The following MGAT5B variants were observed in gnomAD, a reference collection of about 807,000 sequenced individuals.
MGAT5B encodes the protein alpha-1,6-mannosylglycoprotein 6-beta-N-acetylglucosaminyltransferase B, also known as N-acetylglucosaminyl-transferase Vb.
Under a neutral mutation model 95.1 loss-of-function variants are expected in MGAT5B, and 54 were observed. The observed-to-expected ratio is 0.57, with a 90% CI of 0.46 to 0.71. The LOEUF (loss-of-function observed/expected upper bound fraction) is 0.71, where lower values mean the gene tolerates loss of function less well. MGAT5B is among the 30% of genes least tolerant of loss of function. The probability of loss-of-function intolerance (pLI) is 0.00; values close to 1 mark genes in which losing one functional copy is unlikely to be tolerated. For missense variants in MGAT5B, 935 were observed against 1,088.6 expected (o/e 0.86, Z 1.99); for synonymous variants, 464 against 451.0 (o/e 1.03, Z -0.36).
intron 3 of MGAT5B, among the ~76,000 whole-genome samples, chr17:76,891,399 A>C (rs1350489526): frequency 1.3e-5 from 2 of 151,686 alleles, no homozygotes; most frequent in Non-Finnish European, 2.9e-5. Context: ...TTGTTTCTGG[A>C]GACGGGGTCT....
rs536719219 is a variant in MGAT5B at position 76,938,347 on chromosome 17, G to C, written c.1584+204G>C. On this transcript the variant is annotated intron_variant, in intron 13 of 17. Coordinates refer to ENST00000569840, the MANE Select transcript of MGAT5B (RefSeq NM_001199172.2). The surrounding 1 kb of genome is among the most constrained non-coding windows in gnomAD (Gnocchi z 4.3). ...GGCAGGAGAGGTCCTATAGAGAAAG[G>C]GACCTGGGCAGGGCCAGCAGAGCAG... is the stretch of plus-strand genomic sequence containing the variant. Among the ~76,000 whole-genome samples, 1 of 152,354 alleles carries C rather than the reference G, an allele frequency of 6.6e-6. No homozygotes were observed. Among genetic ancestry groups the C allele is most frequent in the African/African-American group, 2.4e-5 (1 of 41,584 alleles).
At chr17:76,892,114 A>G (rs1967892435) in intron 3 of MGAT5B, among the ~76,000 whole-genome samples, 1 of 152,192 alleles carries the variant, frequency 6.6e-6, no homozygotes, top group South Asian at 2.1e-4. Flanking sequence ...TGGCTCGATC[A>G]CGGCTCACTG....
chr17:76,886,022 CT>C (rs2145145371), intron 3 of MGAT5B, among the ~76,000 whole-genome samples: 1 of 152,318 alleles, frequency 6.6e-6, no homozygotes, highest in South Asian at 2.1e-4. Flanking sequence ...CCACTCATGG[CT>C]GGTGTTTCCT....
chr17:76,889,980 G>T lies in MGAT5B; in HGVS notation c.329+7682G>T, dbSNP rs1292870738. Among the ~76,000 whole-genome samples, 1 of 152,230 alleles carries T rather than the reference G, an allele frequency of 6.6e-6. No individual in the cohort carries two copies. The highest frequency in any genetic ancestry group is 1.5e-5 in the Non-Finnish European group (1 of 68,048). ...TCCCCAGCTTTTCTGTTGAAGGCAG[G>T]GCGGGACCAGAGACCTTCACTCCCC... On this transcript the variant is annotated intron_variant, in intron 3 of 17. Transcript: ENST00000569840. This position sits in a 1 kb window ranked among gnomAD's most constrained non-coding sequence, Gnocchi z 4.4.
In MGAT5B at chr17:76,911,617, A is replaced by G. The variant is rs956856843; in HGVS notation, c.1025+5430A>G. Among the ~76,000 whole-genome samples, 17 of 152,182 alleles carry G rather than the reference A, an allele frequency of 1.1e-4. 1 individual carries two copies. Among genetic ancestry groups the G allele is most frequent in the African/African-American group, 3.9e-4 (16 of 41,454 alleles). The stretch of plus-strand genomic sequence containing the variant: ...CCTTCTTCCTTTCTAAAGTGGGGGC[A>G]TTGCATTGGTCCCCATAGTTGGCGG... On this transcript the variant is annotated intron_variant, in intron 8 of 17. Transcript: ENST00000569840.
intron 16 of MGAT5B, among the ~76,000 whole-genome samples, chr17:76,947,407 G>A (rs993711242): frequency 1.3e-5 from 2 of 152,150 alleles, no homozygotes; most frequent in Admixed American, 6.5e-5. Flanking sequence ...AGCATTCGCG[G>A]GGCCCTCCGG....
At chr17:76,932,593 G>A in intron 10 of MGAT5B, 52 bp from the exon 11 acceptor site, 2 of 1,608,812 alleles carry the variant, frequency 1.2e-6, no homozygotes, top group Non-Finnish European at 1.7e-6. Context: ...GAGGCCTGGG[G>A]CTGCCCTTGG....
chr17:76,875,515 A>C lies in MGAT5B; in HGVS notation c.181+2552A>C, dbSNP rs146626227. ...GTCAATTCAACCTTTTTCATCTATA[A>C]ATTACCCAGTCTCAGGTATGTCTTT... On this transcript the variant is annotated intron_variant, in intron 2 of 17. Coordinates refer to ENST00000569840, the MANE Select transcript of MGAT5B (RefSeq NM_001199172.2). Among the ~76,000 whole-genome samples, 44 of 151,986 alleles carry C rather than the reference A, an allele frequency of 2.9e-4. No homozygotes were observed. The East Asian group carries it at 6.8e-3, about 23-fold the overall frequency.
intron 8 of MGAT5B, among the ~76,000 whole-genome samples, chr17:76,913,126 C>G (rs938462231): frequency 6.6e-6 from 1 of 152,216 alleles, no homozygotes; most frequent in African/African-American, 2.4e-5. Flanking sequence ...GGAGGGACAA[C>G]TCCTGGCTGT....
intron 16 of MGAT5B, 117 bp from the exon 17 acceptor site, chr17:76,947,713 T>C: frequency 7.2e-7 from 1 of 1,396,168 alleles, no homozygotes; most frequent in South Asian, 1.8e-5. Context: ...TACCTGGTAT[T>C]CAGTAAGCGC....
chr17:76,923,069 C>T (rs1195100236), intron 8 of MGAT5B, among the ~76,000 whole-genome samples: 2 of 152,194 alleles, frequency 1.3e-5, no homozygotes, highest in Non-Finnish European at 2.9e-5. Context: ...GCGCTGTCGG[C>T]AGGTGACCAG....
chr17:76,895,827 A>G (rs1968046283), intron 3 of MGAT5B, among the ~76,000 whole-genome samples: 2 of 152,328 alleles, frequency 1.3e-5, no homozygotes, highest in South Asian at 2.1e-4. Context: ...CATTTAACCC[A>G]TGGCAAAAAT....
rs907300931 is a variant in MGAT5B at position 76,917,333 on chromosome 17, G to T, written c.1026-7633G>T. On this transcript the variant is annotated intron_variant, in intron 8 of 17. Transcript: ENST00000569840. The surrounding 1 kb of genome is among the most constrained non-coding windows in gnomAD (Gnocchi z 6.1). ...GCCCCTGGCTTCACTTTCTTGTTGGGTCTCGGGGGTGCCTTCCCACAGCAG... is the reference window on the plus strand; with the variant it reads ...GCCCCTGGCTTCACTTTCTTGTTGGTTCTCGGGGGTGCCTTCCCACAGCAG... Among the ~76,000 whole-genome samples, 9 of 151,808 alleles carry T rather than the reference G, an allele frequency of 5.9e-5. No individual in the cohort carries two copies. The highest frequency in any genetic ancestry group is 1.2e-4 in the Non-Finnish European group (8 of 67,948).
At chr17:76,932,867 C>A in intron 11 of MGAT5B, 92 bp downstream of exon 11, 2 of 1,507,146 alleles carry the variant, frequency 1.3e-6, no homozygotes, top group Non-Finnish European at 1.8e-6. Flanking sequence ...GATGCGGTGC[C>A]CTCCTCCCGC....
chr17:76,910,511 C>A (rs1277384643), intron 8 of MGAT5B, among the ~76,000 whole-genome samples: 3 of 152,240 alleles, frequency 2.0e-5, no homozygotes, highest in Non-Finnish European at 4.4e-5. Context: ...ATAGCCTCTG[C>A]ACCCACACAT....
At chr17:76,891,759 T>G (rs528355898) in intron 3 of MGAT5B, among the ~76,000 whole-genome samples, 1 of 152,362 alleles carries the variant, frequency 6.6e-6, no homozygotes, top group Admixed American at 6.5e-5. Context: ...AAGTGCCTTC[T>G]ATTGCTTACT....
At chr17:76,911,228 G>A (rs982035168) in intron 8 of MGAT5B, among the ~76,000 whole-genome samples, 9 of 152,244 alleles carry the variant, frequency 5.9e-5, no homozygotes, top group African/African-American at 2.2e-4. Context: ...AAAGCTTGAG[G>A]CTGTGGCTTT....
intron 10 of MGAT5B, among the ~76,000 whole-genome samples, chr17:76,927,232 A>C (rs1969340639): frequency 6.8e-6 from 1 of 147,404 alleles, no homozygotes; most frequent in Admixed American, 6.8e-5. Flanking sequence ...GCTGGGCTTC[A>C]GCTATTTGTT....
intron 3 of MGAT5B, among the ~76,000 whole-genome samples, chr17:76,888,899 A>G (rs1048095824): frequency 3.9e-5 from 6 of 152,164 alleles, no homozygotes; most frequent in Admixed American, 2.0e-4. Flanking sequence ...TGGTGGAGGG[A>G]ACAGAGCATC....
Sources: gnomAD v4.1 joint callset for allele counts (sites outside exome capture counted in the v4.1 genomes callset) on GRCh38, gnomAD v4.1.1 for gene constraint, Gnocchi (gnomAD v3.1) non-coding constraint, MANE v1.5 for transcripts, NCBI Gene and HGNC (gene_info 2026-07-23, HGNC 2026-07-21) for gene names.